SPOCK3: variants seen among roughly 807,000 people sequenced by gnomAD.
SPOCK3 encodes the protein SPARC (osteonectin), cwcv and kazal like domains proteoglycan 3.
In SPOCK3, 30 loss-of-function variants were observed where a neutral mutation model predicts 56.6. That is an observed-to-expected ratio of 0.53 (90% CI 0.40 to 0.72). SPOCK3 has a LOEUF of 0.72. SPOCK3 is among the 30% of genes least tolerant of loss of function. The pLI, the probability that SPOCK3 is intolerant of heterozygous loss-of-function variation, is 0.00. For missense variants in SPOCK3, 527 were observed against 530.0 expected, an observed-to-expected ratio of 0.99 and a Z score of 0.06; for synonymous variants, 196 against 183.3, an observed-to-expected ratio of 1.07 and a Z score of -0.56.
chr4:166,932,862 C>T (rs756332606), intron 4 of SPOCK3, among the ~76,000 whole-genome samples: 3 of 152,186 alleles, frequency 2.0e-5, no homozygotes, highest in Non-Finnish European at 2.9e-5. Flanking sequence ...ATTTTAAGAA[C>T]TATCTAATTG....
At position 167,177,728 on chromosome 4, in the gene SPOCK3, TTTTTC is replaced by T. The variant is rs575504816; in HGVS notation, c.189+56252_189+56256del. On this transcript the variant is annotated intron_variant, in intron 2 of 10. Coordinates refer to ENST00000357545, the MANE Select transcript of SPOCK3 (RefSeq NM_001040159.2). Reference sequence around the variant, plus strand: ...ACATTTTGTGGTTTTTACACTGACCTTTTTCTTTTATCTGCACTTAGTCAACATTG... The same window carrying T: ...ACATTTTGTGGTTTTTACACTGACCTTTTTATCTGCACTTAGTCAACATTG... Among the ~76,000 whole-genome samples the T allele has an allele frequency of 2.9e-3, 437 of 152,272 alleles. 3 individuals carry two copies. Among genetic ancestry groups the T allele is most frequent in the African/African-American group, 0.01 (417 of 41,558 alleles).
At chr4:167,041,958 C>T (rs1255901964) in intron 3 of SPOCK3, among the ~76,000 whole-genome samples, 1 of 151,904 alleles carries the variant, frequency 6.6e-6, no homozygotes, top group African/African-American at 2.4e-5. Flanking sequence ...AAAATAACTT[C>T]CTCAATAATA....
rs773144661 is a variant in SPOCK3 at position 167,000,419 on chromosome 4, G to A, written c.280C>T (p.Arg94Cys). 5.6e-6 allele frequency: 9 copies of A among 1,607,632 alleles called. No homozygotes were observed. The highest frequency in any genetic ancestry group is 2.2e-5 in the East Asian group (1 of 44,646). ...KDPCLKMKCSRHKVCIAQDSQ... is the reference protein window; with the variant it reads ...KDPCLKMKCSCHKVCIAQDSQ... ...TCTTGAGCAATGCATACTTTATGGC[G>A]ACTACATTTCATCTTTAAGCATGGA... Residue 94 changes from arginine (R) to cysteine (C), a missense_variant, in exon 4 of 11, where the codon CGC becomes TGC. Physicochemically the swap from Arg to Cys is radical, Grantham distance 180 (BLOSUM62 -3). Coordinates refer to ENST00000357545, the MANE Select transcript of SPOCK3 (RefSeq NM_001040159.2).
intron 8 of SPOCK3, among the ~76,000 whole-genome samples, chr4:166,744,862 C>T (rs1002403160): frequency 1.3e-5 from 2 of 151,538 alleles, no homozygotes; most frequent in Non-Finnish European, 2.9e-5. Context: ...GTAGCCGATT[C>T]GATCAAGTGG....
At chr4:167,111,783 G>T (rs1010303855) in intron 2 of SPOCK3, among the ~76,000 whole-genome samples, 6 of 149,988 alleles carry the variant, frequency 4.0e-5, no homozygotes, top group Non-Finnish European at 7.4e-5. Flanking sequence ...TTTGAGACAA[G>T]GTCTTGCACT....
chr4:166,889,684 G>T (rs991017910), intron 5 of SPOCK3, among the ~76,000 whole-genome samples: 1 of 151,836 alleles, frequency 6.6e-6, no homozygotes, highest in Non-Finnish European at 1.5e-5. Context: ...TGGCTACAGA[G>T]ACTCTATGCA....
intron 6 of SPOCK3, among the ~76,000 whole-genome samples, chr4:166,886,972 C>T (rs1444359834): frequency 1.3e-5 from 2 of 152,130 alleles, no homozygotes; most frequent in African/African-American, 4.8e-5. Context: ...GACAATTTGT[C>T]AGAGGAGGAT....
At chr4:167,044,475 ATTTCT>A (rs1481918427) in intron 3 of SPOCK3, among the ~76,000 whole-genome samples, 1 of 151,538 alleles carries the variant, frequency 6.6e-6, no homozygotes, top group Non-Finnish European at 1.5e-5. Context: ...TCAGACTTAA[ATTTCT>A]TTTCAAGTTT....
chr4:167,112,699 G>C (rs1761002313), intron 2 of SPOCK3, among the ~76,000 whole-genome samples: 1 of 151,988 alleles, frequency 6.6e-6, no homozygotes, highest in African/African-American at 2.4e-5. Flanking sequence ...CGCAGAAATA[G>C]GAAAGAAATG....
chr4:166,954,704 A>AT (rs1196440942), intron 4 of SPOCK3, among the ~76,000 whole-genome samples: 1 of 152,140 alleles, frequency 6.6e-6, no homozygotes, highest in Admixed American at 6.6e-5. Context: ...AAAGGTATCC[A>AT]TTTTTAACTC....
At chr4:166,899,864 T>C (rs1735854749) in intron 5 of SPOCK3, among the ~76,000 whole-genome samples, 1 of 152,198 alleles carries the variant, frequency 6.6e-6, no homozygotes, top group Non-Finnish European at 1.5e-5. Flanking sequence ...ACAATGCTTA[T>C]CTCTCTAACA....
chr4:167,014,781 A>C (rs966643391), intron 3 of SPOCK3, among the ~76,000 whole-genome samples: 8 of 151,716 alleles, frequency 5.3e-5, no homozygotes, highest in Non-Finnish European at 1.0e-4. Flanking sequence ...ACACACACAC[A>C]CCCCTACACA....
chr4:166,916,413 C>T (rs1015300331), intron 4 of SPOCK3, among the ~76,000 whole-genome samples: 21 of 152,082 alleles, frequency 1.4e-4, no homozygotes, highest in Non-Finnish European at 2.9e-4. Flanking sequence ...AACTTTCACT[C>T]TAGTCTTCAA....
intron 3 of SPOCK3, among the ~76,000 whole-genome samples, chr4:167,052,975 G>T (rs925567665): frequency 4.6e-5 from 7 of 152,106 alleles, no homozygotes; most frequent in African/African-American, 1.7e-4. Context: ...ACTATGAACA[G>T]CTCTGTTCAC....
intron 2 of SPOCK3, among the ~76,000 whole-genome samples, chr4:167,155,380 A>G (rs1764734089): frequency 6.6e-6 from 1 of 151,968 alleles, no homozygotes; most frequent in African/African-American, 2.4e-5. Flanking sequence ...GGCCTCCCAA[A>G]GAGCTGGGAT....
At chr4:166,833,353 T>C (rs773477495) in intron 6 of SPOCK3, among the ~76,000 whole-genome samples, 2 of 152,160 alleles carry the variant, frequency 1.3e-5, no homozygotes, top group Non-Finnish European at 2.9e-5. Context: ...ATGTCAGTTA[T>C]GTCAAGCTGG....
chr4:167,118,699 T>G (rs1761624575), intron 2 of SPOCK3, among the ~76,000 whole-genome samples: 1 of 152,186 alleles, frequency 6.6e-6, no homozygotes, highest in Non-Finnish European at 1.5e-5. Context: ...TTCATCAAAG[T>G]GGCATTATGC....
chr4:167,147,418 G>A (rs574847987), intron 2 of SPOCK3, among the ~76,000 whole-genome samples: 12 of 152,116 alleles, frequency 7.9e-5, no homozygotes, highest in East Asian at 5.8e-4. Flanking sequence ...CTCAGGGATC[G>A]AGAACTAGAA....
intron 4 of SPOCK3, among the ~76,000 whole-genome samples, chr4:166,966,288 T>C (rs1744726228): frequency 6.6e-6 from 1 of 151,692 alleles, no homozygotes; most frequent in Non-Finnish European, 1.5e-5. Context: ...ACAGATTTAC[T>C]TCACTCATTA....
Sources: gnomAD v4.1 joint callset for allele counts (sites outside exome capture counted in the v4.1 genomes callset) on GRCh38, gnomAD v4.1.1 for gene constraint, MANE v1.5 for transcripts, NCBI Gene and HGNC (gene_info 2026-07-23, HGNC 2026-07-21) for gene names.